Variants in CACNA2D3 observed in about 807,000 individuals in gnomAD.
CACNA2D3 encodes the protein calcium voltage-gated channel auxiliary subunit alpha2delta 3.
A neutral mutation model predicts 160.6 loss-of-function variants in CACNA2D3; 60 were observed. The ratio of observed to expected loss-of-function variants is 0.37; its 90% confidence interval spans 0.30 to 0.46. CACNA2D3 has a LOEUF of 0.46. Among genes scored for constraint, CACNA2D3 ranks in the 20% least tolerant of loss-of-function variants. The pLI is 1.00. For missense variants in CACNA2D3, 1,205 were observed against 1,365.0 expected (o/e 0.88, Z 1.85); for synonymous variants, 558 against 492.9 (o/e 1.13, Z -1.75).
chr3:54,856,557 GT>G, intron 17 of CACNA2D3, among the ~76,000 whole-genome samples: 1 of 152,126 alleles, frequency 6.6e-6, no homozygotes, highest in East Asian at 1.9e-4. Context: ...CAAAGATCTA[GT>G]GATAAAGCAG....
At chr3:54,526,217 C>T (rs377101404) in intron 5 of CACNA2D3, among the ~76,000 whole-genome samples, 172 of 152,128 alleles carry the variant, frequency 1.1e-3, no homozygotes, top group African/African-American at 4.0e-3. Context: ...GATGTGATGT[C>T]GTAATATCCA....
intron 3 of CACNA2D3, among the ~76,000 whole-genome samples, chr3:54,371,181 G>A (rs945400818): frequency 1.3e-5 from 2 of 152,060 alleles, no homozygotes; most frequent in East Asian, 1.9e-4. Flanking sequence ...GAACATTTGT[G>A]TATATGTTTT....
intron 27 of CACNA2D3, among the ~76,000 whole-genome samples, chr3:54,911,611 C>G (rs1700558507): frequency 6.6e-6 from 1 of 152,076 alleles, no homozygotes; most frequent in Non-Finnish European, 1.5e-5. Flanking sequence ...CACTTCTCAG[C>G]ACTTCCACTG....
chr3:54,230,830 TA>T (rs1701755106), intron 2 of CACNA2D3, among the ~76,000 whole-genome samples: 1 of 152,272 alleles, frequency 6.6e-6, no homozygotes, highest in Non-Finnish European at 1.5e-5. Context: ...GCTAATTTGT[TA>T]AATTGAGCTG....
chr3:54,588,741 T>C (rs1702807748), intron 9 of CACNA2D3, among the ~76,000 whole-genome samples: 1 of 152,074 alleles, frequency 6.6e-6, no homozygotes. Flanking sequence ...AAAACATGTG[T>C]ATATAGGCTG....
chr3:54,571,367 C>T (rs1366657655), intron 8 of CACNA2D3, among the ~76,000 whole-genome samples: 1 of 152,122 alleles, frequency 6.6e-6, no homozygotes, highest in Non-Finnish European at 1.5e-5. Context: ...CCCATCACGG[C>T]CTGAAACAGT....
At chr3:54,694,523 A>G (rs898684984) in intron 11 of CACNA2D3, among the ~76,000 whole-genome samples, 3 of 152,198 alleles carry the variant, frequency 2.0e-5, no homozygotes, top group African/African-American at 4.8e-5. Flanking sequence ...GCTGTCCTAG[A>G]TGGGCTGCTC....
intron 11 of CACNA2D3, among the ~76,000 whole-genome samples, chr3:54,674,618 G>T (rs1459637969): frequency 6.6e-6 from 1 of 152,134 alleles, no homozygotes; most frequent in Admixed American, 6.5e-5. Context: ...AAGGGTTGGG[G>T]TTCAAGTTGG....
chr3:54,773,038 C>A (rs1290003326), intron 13 of CACNA2D3, among the ~76,000 whole-genome samples: 1 of 152,228 alleles, frequency 6.6e-6, no homozygotes, highest in African/African-American at 2.4e-5. Flanking sequence ...ATCAAGCCCT[C>A]TTGCCCCTCC....
chr3:54,426,206 T>C (rs561071859), intron 4 of CACNA2D3, among the ~76,000 whole-genome samples: 505 of 152,332 alleles, frequency 3.3e-3, no homozygotes, highest in Non-Finnish European at 5.9e-3. Context: ...ATTATTATTT[T>C]ATTCTGAAGG....
intron 11 of CACNA2D3, among the ~76,000 whole-genome samples, chr3:54,696,913 T>C (rs1250574117): frequency 6.6e-6 from 1 of 152,148 alleles, no homozygotes; most frequent in Admixed American, 6.5e-5. Flanking sequence ...GAAGCAGTGT[T>C]TTTGATCCTG....
In CACNA2D3 at chr3:54,886,957, G is replaced by T. The variant is rs1412561480; in HGVS notation, c.2057-1002G>T. 2.6e-4 allele frequency among the ~76,000 whole-genome samples: 3 copies of T among 11,528 alleles called. No homozygotes were observed. In the African/African-American group the frequency reaches 4.6e-3, roughly 18 times the overall value. The allele number at this position is 11,528 out of a possible 152,430, so 7.6% of individuals were successfully genotyped here. Reference sequence around the variant, plus strand: ...GCTCTTTTTTTTTTTTTTGCCCCCAGTCAAGGTGAGGACTGTCCTGTCCCA... The same window carrying T: ...GCTCTTTTTTTTTTTTTTGCCCCCATTCAAGGTGAGGACTGTCCTGTCCCA... On this transcript the variant is annotated intron_variant, in intron 23 of 37. Transcript: ENST00000474759.
intron 9 of CACNA2D3, chr3:54,626,699 A>AAG: frequency 2.7e-6 from 2 of 738,420 alleles, no homozygotes; most frequent in South Asian, 1.6e-5. Context: ...AAAAAAAAAA[A>AAG]AAAAAAAAAA....
chr3:54,265,386 T>TG, intron 2 of CACNA2D3, among the ~76,000 whole-genome samples: 1 of 151,726 alleles, frequency 6.6e-6, no homozygotes, highest in Non-Finnish European at 1.5e-5. Context: ...CTGGGCCTGT[T>TG]GGGGTTGGGG....
chr3:54,243,913 G>C (rs970225448), intron 2 of CACNA2D3, among the ~76,000 whole-genome samples: 2 of 152,220 alleles, frequency 1.3e-5, no homozygotes, highest in Non-Finnish European at 2.9e-5. Context: ...TGCATCTGCA[G>C]ACCCTTTCTG....
intron 9 of CACNA2D3, among the ~76,000 whole-genome samples, chr3:54,591,553 T>C (rs901955153): frequency 1.3e-5 from 2 of 148,204 alleles, no homozygotes; most frequent in African/African-American, 5.0e-5. Flanking sequence ...GGGAGAGGAC[T>C]GTGGTTGAAA....
At chr3:54,626,184 C>A in intron 9 of CACNA2D3, 1 of 734,768 alleles carries the variant, frequency 1.4e-6, no homozygotes, top group Non-Finnish European at 2.4e-6. Context: ...CAGGCGCGGA[C>A]CAGAGAGCTC....
chr3:54,166,988 C>T (rs758595876), intron 2 of CACNA2D3, among the ~76,000 whole-genome samples: 2 of 152,070 alleles, frequency 1.3e-5, no homozygotes, highest in Non-Finnish European at 2.9e-5. Context: ...TCTTGAATTA[C>T]GTAAAAACGT....
At chr3:54,239,539 C>A (rs1353709879) in intron 2 of CACNA2D3, among the ~76,000 whole-genome samples, 2 of 152,204 alleles carry the variant, frequency 1.3e-5, no homozygotes, top group Non-Finnish European at 2.9e-5. Context: ...ACCCCTGTTG[C>A]CACATGAGGT....
Sources: allele counts gnomAD v4.1 joint callset (sites outside exome capture counted in the v4.1 genomes callset), GRCh38; gene constraint gnomAD v4.1.1; transcripts MANE v1.5; gene names NCBI Gene and HGNC (gene_info 2026-07-23, HGNC 2026-07-21).